The following ADGRV1 variants were observed in gnomAD, a reference collection of about 807,000 sequenced individuals.
ADGRV1 encodes G-protein coupled receptor 98.
A neutral mutation model predicts 596.2 loss-of-function variants in ADGRV1; 359 were observed. The ratio of observed to expected loss-of-function variants is 0.60; its 90% confidence interval spans 0.55 to 0.66. The LOEUF (loss-of-function observed/expected upper bound fraction) is 0.66. ADGRV1 is among the 30% of genes least tolerant of loss of function. The pLI, the probability that ADGRV1 is intolerant of heterozygous loss-of-function variation, is 0.00. For synonymous variants in ADGRV1, 2,681 were observed against 2,679.2 expected (o/e 1.00, Z -0.02); for missense variants, 7,274 against 7,575.6 (o/e 0.96, Z 1.48).
Position 90,692,646 on chromosome 5 carries a change from T to C in ADGRV1, c.6993T>C (p.Thr2331=). The C allele has an allele frequency of 6.2e-7, 1 of 1,611,900 alleles. No individual in the cohort carries two copies. The highest frequency in any genetic ancestry group is 8.5e-7 in the Non-Finnish European group (1 of 1,179,040). ...VQLTDASGGG[T]IGLDRIANII... The stretch of plus-strand genomic sequence containing the variant: ...TAACTGATGCCTCTGGTGGAGGTAC[T>C]ATTGGGTTAGATCGAATTGCAAATA... The change falls in exon 32 of 90, where the codon ACT becomes ACC. Residue 2331 remains threonine, a synonymous_variant. Transcript: ENST00000405460.
At chr5:90,904,722 A>G (rs1367789446) in intron 83 of ADGRV1, among the ~76,000 whole-genome samples, 1 of 151,966 alleles carries the variant, frequency 6.6e-6, no homozygotes, top group Non-Finnish European at 1.5e-5. Flanking sequence ...CTTGCTGTGC[A>G]GAAGCTTTTT....
At chr5:90,770,174 T>C (rs1012354418) in intron 59 of ADGRV1, among the ~76,000 whole-genome samples, 4 of 152,102 alleles carry the variant, frequency 2.6e-5, no homozygotes, top group Admixed American at 1.3e-4. Context: ...TGGCAGAAGA[T>C]GAAGGAGGAG....
At chr5:90,734,128 A>G (rs957789637) in intron 50 of ADGRV1, among the ~76,000 whole-genome samples, 4 of 152,200 alleles carry the variant, frequency 2.6e-5, no homozygotes, top group Admixed American at 1.3e-4. Flanking sequence ...ATAGTATTCC[A>G]TCGCGTATAT....
intron 52 of ADGRV1, among the ~76,000 whole-genome samples, chr5:90,746,926 A>G (rs1754692660): frequency 6.6e-6 from 1 of 152,184 alleles, no homozygotes; most frequent in African/African-American, 2.4e-5. Flanking sequence ...CTTTATTTTC[A>G]TGGTCCTTAA....
chr5:90,820,562 C>T (rs1227226398), intron 75 of ADGRV1, among the ~76,000 whole-genome samples: 1 of 151,452 alleles, frequency 6.6e-6, no homozygotes, highest in African/African-American at 2.4e-5. Context: ...ACCGGTTGTT[C>T]CTTTCCATGT....
At chr5:90,644,932 A>G (rs1580571692) in intron 15 of ADGRV1, 63 bp downstream of exon 15, 1 of 1,137,034 alleles carries the variant, frequency 8.8e-7, no homozygotes, top group East Asian at 2.8e-5. Flanking sequence ...ATTTTTTATT[A>G]AATAATTAAA....
chr5:90,607,663 A>G (rs1762270599), intron 1 of ADGRV1, among the ~76,000 whole-genome samples: 1 of 152,138 alleles, frequency 6.6e-6, no homozygotes, highest in Non-Finnish European at 1.5e-5. Context: ...TTTTTTCTGT[A>G]GATACTAAAA....
chr5:90,946,573 C>G (rs12651764), intron 83 of ADGRV1, among the ~76,000 whole-genome samples: 14,555 of 151,894 alleles, frequency 0.096, 961 homozygotes, highest in East Asian at 0.25. Flanking sequence ...GGTATTAAGC[C>G]CCACATGCAT....
At chr5:90,595,589 T>C (rs1226469808) in intron 1 of ADGRV1, among the ~76,000 whole-genome samples, 26 of 89,852 alleles carry the variant, frequency 2.9e-4, no homozygotes, top group Admixed American at 3.3e-4. Flanking sequence ...CCCTCCCAGA[T>C]GGGGCGGCTG....
At chr5:90,943,914 A>G (rs997175554) in intron 83 of ADGRV1, among the ~76,000 whole-genome samples, 1 of 152,194 alleles carries the variant, frequency 6.6e-6, no homozygotes, top group African/African-American at 2.4e-5. Context: ...ATTTCCAAAT[A>G]AAGTCAACTT....
chr5:90,943,385 C>T (rs987478451), intron 83 of ADGRV1, among the ~76,000 whole-genome samples: 1 of 152,130 alleles, frequency 6.6e-6, no homozygotes. Context: ...ACAGATCACA[C>T]ACCTTCTTGA....
intron 48 of ADGRV1, among the ~76,000 whole-genome samples, chr5:90,726,612 CA>C (rs1751816740): frequency 6.6e-6 from 1 of 151,738 alleles, no homozygotes; most frequent in South Asian, 2.1e-4. Context: ...TGCTTTCTAA[CA>C]CACTACACAA....
At chr5:90,780,524 G>A (rs1758725065) in intron 64 of ADGRV1, among the ~76,000 whole-genome samples, 1 of 152,122 alleles carries the variant, frequency 6.6e-6, no homozygotes, top group South Asian at 2.1e-4. Flanking sequence ...AGCCTTGGAA[G>A]TTGAAGCTTT....
At chr5:90,682,761 C>A (rs1745112351) in intron 27 of ADGRV1, among the ~76,000 whole-genome samples, 2 of 152,090 alleles carry the variant, frequency 1.3e-5, no homozygotes, top group South Asian at 4.1e-4. Flanking sequence ...TTGATGTAAC[C>A]ATCATATTTC....
intron 1 of ADGRV1, among the ~76,000 whole-genome samples, chr5:90,582,599 CTG>C (rs1758212974): frequency 6.6e-6 from 1 of 152,168 alleles, no homozygotes; most frequent in African/African-American, 2.4e-5. Context: ...GGATCTCACT[CTG>C]TCACCCAGGC....
chr5:90,823,663 A>T (rs1763811265), intron 76 of ADGRV1, 67 bp downstream of exon 76: 1 of 1,394,396 alleles, frequency 7.2e-7, no homozygotes, highest in Admixed American at 1.8e-5. Flanking sequence ...ATCATTTTAA[A>T]ACCACTATTG....
intron 85 of ADGRV1, among the ~76,000 whole-genome samples, chr5:91,024,564 A>G (rs1181490370): frequency 6.6e-6 from 1 of 152,172 alleles, no homozygotes; most frequent in Admixed American, 6.5e-5. Flanking sequence ...TTAAAAATAC[A>G]AAGTAAAATT....
chr5:90,809,456 G>A (rs907471394), intron 73 of ADGRV1, among the ~76,000 whole-genome samples: 1 of 152,098 alleles, frequency 6.6e-6, no homozygotes, highest in African/African-American at 2.4e-5. Context: ...AATATATGTT[G>A]GGGCCATGAT....
chr5:90,807,496 T>C (rs1365589549), intron 72 of ADGRV1, 106 bp from the exon 73 acceptor site: 2 of 1,107,258 alleles, frequency 1.8e-6, no homozygotes, highest in Non-Finnish European at 2.5e-6. Flanking sequence ...TTGTGAACTA[T>C]AATTGAATTT....
Sources: gnomAD v4.1 joint callset for allele counts (sites outside exome capture counted in the v4.1 genomes callset) on GRCh38, gnomAD v4.1.1 for gene constraint, MANE v1.5 for transcripts, NCBI Gene and HGNC (gene_info 2026-07-23, HGNC 2026-07-21) for gene names.